Variants in LDAH observed in about 807,000 individuals in gnomAD.
LDAH encodes the protein lipid droplet-associated hydrolase.
In LDAH, 26 loss-of-function variants were observed where a neutral mutation model predicts 29.6. The ratio of observed to expected loss-of-function variants is 0.88; its 90% CI spans 0.64 to 1.22. The LOEUF is 1.22. Among genes scored for constraint, LDAH ranks in the 50% most tolerant of loss-of-function variants. The pLI, the probability that LDAH is intolerant of heterozygous loss-of-function variation, is 0.00. For synonymous variants in LDAH, 117 were observed against 133.0 expected (o/e 0.88, Z 0.83); for missense variants, 344 against 387.3 (o/e 0.89, Z 0.94).
At chr2:20,690,275 C>G (rs1424889697) in intron 6 of LDAH, among the ~76,000 whole-genome samples, 2 of 152,166 alleles carry the variant, frequency 1.3e-5, no homozygotes, top group East Asian at 3.9e-4. Flanking sequence ...AAGGCATGTG[C>G]TAGGAACCTC....
intron 2 of LDAH, among the ~76,000 whole-genome samples, chr2:20,799,385 TC>T (rs1455448514): frequency 1.3e-5 from 2 of 152,202 alleles, no homozygotes; most frequent in Non-Finnish European, 2.9e-5. Flanking sequence ...TGTTATATAT[TC>T]ATGGGGTACA....
Position 20,801,395 on chromosome 2 carries a change from G to C in LDAH, c.69C>G (p.Thr23=). 1 of 1,614,034 alleles carries C rather than the reference G, an allele frequency of 6.2e-7. No homozygotes were observed. Among genetic ancestry groups the C allele is most frequent in the Non-Finnish European group, 8.5e-7 (1 of 1,179,986 alleles). Residue 23 remains threonine (T), a synonymous_variant, in exon 2 of 7, where the codon ACC becomes ACG. Transcript: ENST00000237822. ...TCCAGGGCCCACATTTTAGAACCTG[G>C]GTTTCGGCTCCACCACACAAAATGA... ...EEFILCGGAE[T]QVLKCGPWTD...
chr2:20,708,440 A>C (rs1056359326), intron 5 of LDAH, among the ~76,000 whole-genome samples: 1 of 152,248 alleles, frequency 6.6e-6, no homozygotes, highest in African/African-American at 2.4e-5. Context: ...AAGTACAAAA[A>C]TATCCAGCAT....
chr2:20,697,273 TTCCCCAATA>T (rs1298229151), intron 6 of LDAH, among the ~76,000 whole-genome samples: 9 of 152,198 alleles, frequency 5.9e-5, no homozygotes, highest in African/African-American at 2.2e-4. Context: ...TCCATCTCCA[TTCCCCAATA>T]TCCTGTTAGT....
intron 1 of LDAH, among the ~76,000 whole-genome samples, chr2:20,807,538 T>C (rs1212445389): frequency 2.6e-5 from 4 of 152,082 alleles, no homozygotes; most frequent in Non-Finnish European, 4.4e-5. Context: ...GTTGTTTAAA[T>C]ATTCAAAATT....
At position 20,718,428 on chromosome 2, in the gene LDAH, ATATAAT is replaced by A. The variant is rs565589522; in HGVS notation, c.704-16782_704-16777del. On this transcript the variant is annotated intron_variant, in intron 5 of 6. Coordinates refer to ENST00000237822, the MANE Select transcript of LDAH (RefSeq NM_021925.4). ...ATAAAAAGAGACAAAAAAGGCCATT[ATATAAT>A]TATAAAGATATCAATTCAGCAAGAC... Among the ~76,000 whole-genome samples the A allele has an allele frequency of 5.2e-3, 785 of 152,322 alleles. 9 individuals carry two copies. The highest frequency in any genetic ancestry group is 0.017 in the African/African-American group (690 of 41,576).
intron 5 of LDAH, among the ~76,000 whole-genome samples, chr2:20,725,951 C>T (rs915615460): frequency 6.6e-6 from 1 of 152,174 alleles, no homozygotes; most frequent in African/African-American, 2.4e-5. Context: ...TCCCAGATGG[C>T]ACTGTTGAGA....
At position 20,684,383 on chromosome 2, in the gene LDAH, G is replaced by A. The variant is rs1662410530; in HGVS notation, c.*2520C>T. 1.3e-5 allele frequency: 2 copies of A among 151,402 alleles called. No individual in the cohort carries two copies. The highest frequency in any genetic ancestry group is 4.2e-4 in the South Asian group (2 of 4,802). The allele number at this position is 151,402 out of a possible 1,614,324, so 9.4% of individuals were successfully genotyped here. On this transcript the variant is annotated 3_prime_UTR_variant, in exon 7 of 7. Coordinates refer to ENST00000237822, the MANE Select transcript of LDAH (RefSeq NM_021925.4). ...ATGTCTCTTCAGTCTCCTTTAATCT[G>A]AAATTGCTTTTTTTTTTTGCTCTTT... is the stretch of plus-strand genomic sequence containing the variant.
At chr2:20,709,556 A>G (rs1028324654) in intron 5 of LDAH, among the ~76,000 whole-genome samples, 2 of 152,202 alleles carry the variant, frequency 1.3e-5, no homozygotes, top group Non-Finnish European at 2.9e-5. Context: ...TCTTGTTGTT[A>G]GAATTATAAA....
chr2:20,714,917 G>A (rs1438788697), intron 5 of LDAH, among the ~76,000 whole-genome samples: 1 of 152,112 alleles, frequency 6.6e-6, no homozygotes, highest in African/African-American at 2.4e-5. Context: ...AAAAGTCCAG[G>A]ACCAGACAGA....
chr2:20,765,699 C>G (rs1269468997), intron 4 of LDAH, among the ~76,000 whole-genome samples: 1 of 152,146 alleles, frequency 6.6e-6, no homozygotes, highest in Non-Finnish European at 1.5e-5. Flanking sequence ...GAAGGTTTCA[C>G]TCAGGCCTGG....
chr2:20,754,415 C>T (rs1219666964), intron 4 of LDAH, among the ~76,000 whole-genome samples: 1 of 144,742 alleles, frequency 6.9e-6, no homozygotes, highest in Non-Finnish European at 1.5e-5. Flanking sequence ...TGCTTGAACC[C>T]AGGAGGTGGA....
chr2:20,694,999 T>G (rs1308566859), intron 6 of LDAH, among the ~76,000 whole-genome samples: 1 of 152,250 alleles, frequency 6.6e-6, no homozygotes, highest in East Asian at 1.9e-4. Flanking sequence ...AGCGCCAGTC[T>G]CCTTCTGTGT....
At chr2:20,818,874 T>C (rs1182764143) in intron 1 of LDAH, among the ~76,000 whole-genome samples, 1 of 152,160 alleles carries the variant, frequency 6.6e-6, no homozygotes, top group Non-Finnish European at 1.5e-5. Flanking sequence ...AGATTCTGTG[T>C]AGTTGTCTTT....
intron 6 of LDAH, among the ~76,000 whole-genome samples, chr2:20,696,530 C>T (rs1333130568): frequency 6.6e-6 from 1 of 152,196 alleles, no homozygotes; most frequent in Non-Finnish European, 1.5e-5. Context: ...TAGTGATGCT[C>T]AGATTCAGTC....
chr2:20,801,057 T>C (rs537842022), intron 2 of LDAH, among the ~76,000 whole-genome samples: 1 of 151,956 alleles, frequency 6.6e-6, no homozygotes, highest in African/African-American at 2.4e-5. Context: ...CAAAACTGCA[T>C]ATATAGTACA....
chr2:20,818,482 T>C (rs1238193178), intron 1 of LDAH, among the ~76,000 whole-genome samples: 2 of 152,130 alleles, frequency 1.3e-5, no homozygotes, highest in South Asian at 2.1e-4. Flanking sequence ...ATCCATCTCA[T>C]CTTTCTCCAG....
intron 3 of LDAH, among the ~76,000 whole-genome samples, chr2:20,777,761 C>T (rs1480381345): frequency 6.6e-6 from 1 of 152,110 alleles, no homozygotes; most frequent in Non-Finnish European, 1.5e-5. Flanking sequence ...ATTTTACTAG[C>T]AGAAAATGAA....
intron 1 of LDAH, among the ~76,000 whole-genome samples, chr2:20,806,622 A>G (rs1460621620): frequency 4.6e-5 from 7 of 151,966 alleles, no homozygotes; most frequent in Non-Finnish European, 8.8e-5. Context: ...AAGCCAGAAA[A>G]CCTTTTTAAA....
Sources: gnomAD v4.1 joint callset for allele counts (sites outside exome capture counted in the v4.1 genomes callset) on GRCh38, gnomAD v4.1.1 for gene constraint, MANE v1.5 for transcripts, NCBI Gene and HGNC (gene_info 2026-07-23, HGNC 2026-07-21) for gene names.